Variants in ZNF565 observed in about 807,000 individuals in gnomAD.
The protein encoded by ZNF565 is zinc finger protein 565.
Under a neutral mutation model 39.4 loss-of-function variants are expected in ZNF565, and 27 were observed. That is an observed-to-expected ratio of 0.69 (90% CI 0.51 to 0.95). The LOEUF (loss-of-function observed/expected upper bound fraction) is 0.95, where lower values mean the gene tolerates loss of function less well. ZNF565 is among the 40% of genes least tolerant of loss of function. The pLI is 0.00. For synonymous variants in ZNF565, 185 were observed against 216.6 expected, an observed-to-expected ratio of 0.85 and a Z score of 1.28; for missense variants, 524 against 621.1, an observed-to-expected ratio of 0.84 and a Z score of 1.66.
At chr19:36,204,635 TTTAA>T (rs1298319356) in intron 1 of ZNF565, among the ~76,000 whole-genome samples, 5 of 152,288 alleles carry the variant, frequency 3.3e-5, no homozygotes, top group Non-Finnish European at 5.9e-5. Flanking sequence ...TTAATTTAAA[TTTAA>T]TTAGCTCTAG....
At chr19:36,238,958 G>C (rs1242052031) in intron 1 of ZNF565, among the ~76,000 whole-genome samples, 3 of 152,088 alleles carry the variant, frequency 2.0e-5, no homozygotes, top group Non-Finnish European at 4.4e-5. Flanking sequence ...GTGCATGTGA[G>C]GAATCCAGGT....
chr19:36,215,261 A>G (rs1976550214), upstream of ZNF565: 1 of 152,116 alleles, frequency 6.6e-6, no homozygotes, highest in Non-Finnish European at 1.5e-5. Context: ...CCTGATCTTT[A>G]GGGGCGCGGC....
intron 1 of ZNF565, among the ~76,000 whole-genome samples, chr19:36,212,745 A>G (rs188292972): frequency 1.3e-5 from 2 of 151,490 alleles, no homozygotes; most frequent in Admixed American, 1.3e-4. Context: ...GGGAGGATAT[A>G]GGCCTTTCAG....
chr19:36,204,998 A>G (rs1044857804), intron 1 of ZNF565, among the ~76,000 whole-genome samples: 2 of 152,064 alleles, frequency 1.3e-5, no homozygotes, highest in Non-Finnish European at 2.9e-5. Flanking sequence ...AAAAAAACAG[A>G]AAAGAAAATG....
chr19:36,193,906 G>A (rs1975664373), intron 4 of ZNF565, among the ~76,000 whole-genome samples: 1 of 152,094 alleles, frequency 6.6e-6, no homozygotes, highest in African/African-American at 2.4e-5. Context: ...CTGCACTCCA[G>A]CATGGGTGAC....
intron 4 of ZNF565, among the ~76,000 whole-genome samples, chr19:36,188,333 C>T (rs866771204): frequency 2.7e-5 from 4 of 149,962 alleles, no homozygotes; most frequent in African/African-American, 7.4e-5. Flanking sequence ...CCAGCCTGGG[C>T]GACAAAGTGA....
At chr19:36,216,478 T>TAA (rs909051358), upstream of ZNF565, among the ~76,000 whole-genome samples, 2 of 150,652 alleles carry the variant, frequency 1.3e-5, no homozygotes, top group African/African-American at 4.9e-5. Context: ...CTGTCTCTAC[T>TAA]AAAAAAAAAT....
intron 4 of ZNF565, 59 bp from the exon 5 acceptor site, chr19:36,183,792 A>C (rs1262133008): frequency 6.7e-6 from 10 of 1,493,674 alleles, no homozygotes; most frequent in Non-Finnish European, 9.0e-6. Context: ...GAAATAAAAA[A>C]TTCTATAGTA....
intron 1 of ZNF565, among the ~76,000 whole-genome samples, chr19:36,223,849 A>T (rs1394707831): frequency 7.5e-5 from 10 of 134,204 alleles, no homozygotes; most frequent in Admixed American, 2.1e-4. Flanking sequence ...TCGCTAATTT[A>T]AAAAAAAAAA....
intron 1 of ZNF565, among the ~76,000 whole-genome samples, chr19:36,224,831 G>A (rs1239582896): frequency 6.6e-6 from 1 of 151,980 alleles, no homozygotes; most frequent in African/African-American, 2.4e-5. Flanking sequence ...GTCCTCTAGG[G>A]TGTTTTAAAA....
At chr19:36,234,085 C>T (rs980787375) in intron 1 of ZNF565, among the ~76,000 whole-genome samples, 11 of 152,288 alleles carry the variant, frequency 7.2e-5, no homozygotes, top group African/African-American at 2.4e-4. Flanking sequence ...GTGGTGATGA[C>T]TCTTAAGGAG....
intron 1 of ZNF565, among the ~76,000 whole-genome samples, chr19:36,241,128 C>A (rs1184595562): frequency 6.6e-6 from 1 of 152,312 alleles, no homozygotes; most frequent in East Asian, 1.9e-4. Flanking sequence ...TCAATTGATA[C>A]ACTGTGGGCA....
At chr19:36,218,824 G>A (rs181967489), upstream of ZNF565, among the ~76,000 whole-genome samples, 1 of 140,812 alleles carries the variant, frequency 7.1e-6, no homozygotes, top group East Asian at 2.2e-4. Context: ...TTTGGTGGAG[G>A]GGGGGACAGA....
intron 2 of ZNF565, among the ~76,000 whole-genome samples, chr19:36,201,275 C>G (rs1427121144): frequency 6.6e-6 from 1 of 152,100 alleles, no homozygotes; most frequent in Non-Finnish European, 1.5e-5. Flanking sequence ...GTGCTCCAGT[C>G]TGGGTGACAG....
chr19:36,194,233 C>A lies in ZNF565; in HGVS notation c.232G>T (p.Asp78Tyr). The A allele has an allele frequency of 6.2e-7, 1 of 1,610,326 alleles. No homozygotes were observed. The highest frequency in any genetic ancestry group is 8.5e-7 in the Non-Finnish European group (1 of 1,178,186). ...CCTGTCGAAATCGGCCCTCGCTTAC[C>A]TGGGCACCATGGTCCTGTCACATCA... ...ANDVTGPWCP[D>Y]LESRCEKFLQ... The change falls in exon 4 of 5, where the codon GAC becomes TAC. Residue 78 changes from aspartate to tyrosine, a missense_variant and splice_region_variant. Coordinates refer to ENST00000304116, the MANE Select transcript of ZNF565 (RefSeq NM_152477.5).
chr19:36,193,777 A>G (rs1975660643), intron 4 of ZNF565, among the ~76,000 whole-genome samples: 1 of 152,086 alleles, frequency 6.6e-6, no homozygotes, highest in Non-Finnish European at 1.5e-5. Flanking sequence ...AGACACTTGT[A>G]GAAAAAAGGA....
upstream of ZNF565, among the ~76,000 whole-genome samples, chr19:36,219,027 C>T (rs943303885): frequency 6.6e-6 from 1 of 151,902 alleles, no homozygotes; most frequent in Non-Finnish European, 1.5e-5. Context: ...CCAGGATGGT[C>T]TCCATCTCCT....
At chr19:36,242,586 A>G (rs185838021) in intron 1 of ZNF565, among the ~76,000 whole-genome samples, 172 of 151,652 alleles carry the variant, frequency 1.1e-3, no homozygotes, top group Admixed American at 6.6e-3. Flanking sequence ...ATTACCAGGC[A>G]TGGTGGCACG....
At chr19:36,223,957 G>GT (rs1233519164) in intron 1 of ZNF565, among the ~76,000 whole-genome samples, 3 of 152,060 alleles carry the variant, frequency 2.0e-5, no homozygotes, top group Non-Finnish European at 4.4e-5. Flanking sequence ...CAGAGCAATA[G>GT]TTTTTTTAAG....
Sources: gnomAD v4.1 joint callset for allele counts (sites outside exome capture counted in the v4.1 genomes callset) on GRCh38, gnomAD v4.1.1 for gene constraint, MANE v1.5 for transcripts, NCBI Gene and HGNC (gene_info 2026-07-23, HGNC 2026-07-21) for gene names.